The following AKAP6 variants were observed in gnomAD, a reference collection of about 807,000 sequenced individuals.
AKAP6 encodes the protein A-kinase anchoring protein 6.
A neutral mutation model predicts 188.5 loss-of-function variants in AKAP6; 58 were observed. The observed-to-expected ratio is 0.31, with a 90% CI of 0.25 to 0.38. The LOEUF is 0.38. Among genes scored for constraint, AKAP6 ranks in the 10% least tolerant of loss-of-function variants. The probability of loss-of-function intolerance (pLI) is 1.00; values close to 1 mark genes in which losing one functional copy is unlikely to be tolerated. For synonymous variants in AKAP6, 989 were observed against 998.6 expected, an observed-to-expected ratio of 0.99 and a Z score of 0.18; for missense variants, 2,710 against 2,740.0, an observed-to-expected ratio of 0.99 and a Z score of 0.24.
intron 1 of AKAP6, among the ~76,000 whole-genome samples, chr14:32,420,543 T>G (rs1458394729): frequency 3.3e-5 from 5 of 152,206 alleles, no homozygotes; most frequent in Non-Finnish European, 7.3e-5. Context: ...CAACTTTTGG[T>G]TTCTCTCTGG....
intron 1 of AKAP6, among the ~76,000 whole-genome samples, chr14:32,370,607 G>C (rs1887974856): frequency 6.6e-6 from 1 of 152,194 alleles, no homozygotes; most frequent in African/African-American, 2.4e-5. Context: ...ACCAGTGGCT[G>C]TATTAGTGCT....
At chr14:32,411,808 T>TA (rs397852309) in intron 1 of AKAP6, among the ~76,000 whole-genome samples, 1 of 151,292 alleles carries the variant, frequency 6.6e-6, no homozygotes, top group Non-Finnish European at 1.5e-5. Flanking sequence ...TTTTTTTTTT[T>TA]AATTCTTTAG....
At position 32,775,030 on chromosome 14, in the gene AKAP6, G is replaced by A. The variant is rs13379473; in HGVS notation, c.3588+1137G>A. The stretch of plus-strand genomic sequence containing the variant: ...ATTGAGTCTAGGGGGTGATTTTATC[G>A]TCAATAGTTCTGTTTAATTGTTTTA... On this transcript the variant is annotated intron_variant, in intron 12 of 13. Transcript: ENST00000280979. Among the ~76,000 whole-genome samples the A allele has an allele frequency of 1.5e-3, 222 of 152,216 alleles. 1 individual carries two copies. The highest frequency in any genetic ancestry group is 4.6e-3 in the African/African-American group (192 of 41,542).
intron 9 of AKAP6, among the ~76,000 whole-genome samples, chr14:32,726,727 C>A (rs981145277): frequency 1.3e-5 from 2 of 152,240 alleles, no homozygotes; most frequent in African/African-American, 4.8e-5. Flanking sequence ...GACCTTGACA[C>A]CCACTTCATT....
intron 5 of AKAP6, among the ~76,000 whole-genome samples, chr14:32,584,027 G>C (rs929462392): frequency 6.6e-6 from 1 of 152,182 alleles, no homozygotes; most frequent in African/African-American, 2.4e-5. Flanking sequence ...AGATGAACCC[G>C]GTGCCTCAGA....
At chr14:32,534,574 A>G (rs1882579135) in intron 2 of AKAP6, among the ~76,000 whole-genome samples, 1 of 152,204 alleles carries the variant, frequency 6.6e-6, no homozygotes. Context: ...AAACGAAACA[A>G]AATTGTATTT....
chr14:32,770,804 T>G (rs1303277079), intron 11 of AKAP6, among the ~76,000 whole-genome samples: 1 of 152,234 alleles, frequency 6.6e-6, no homozygotes, highest in Non-Finnish European at 1.5e-5. Context: ...GACTCTCAAC[T>G]CCTTGAGGGT....
intron 1 of AKAP6, among the ~76,000 whole-genome samples, chr14:32,416,603 G>A (rs1256704214): frequency 6.6e-6 from 1 of 151,998 alleles, no homozygotes; most frequent in Non-Finnish European, 1.5e-5. Context: ...CGCCCAGGCT[G>A]GAGTGCAGTG....
chr14:32,648,158 G>T (rs555331693), intron 7 of AKAP6, among the ~76,000 whole-genome samples: 2 of 152,170 alleles, frequency 1.3e-5, no homozygotes, highest in South Asian at 4.1e-4. Context: ...TATGCATTAA[G>T]TCCCACACTT....
At chr14:32,745,814 TAGAG>T (rs2031884588) in intron 11 of AKAP6, among the ~76,000 whole-genome samples, 3 of 152,180 alleles carry the variant, frequency 2.0e-5, no homozygotes, top group African/African-American at 7.2e-5. Flanking sequence ...AGTCAGGGAC[TAGAG>T]TTGAAAGCCT....
At chr14:32,729,465 AACT>A (rs1472032004) in intron 9 of AKAP6, among the ~76,000 whole-genome samples, 3 of 152,108 alleles carry the variant, frequency 2.0e-5, no homozygotes, top group Non-Finnish European at 4.4e-5. Context: ...AATTTTCTAC[AACT>A]TCTTTAGTTC....
intron 5 of AKAP6, among the ~76,000 whole-genome samples, chr14:32,596,731 G>A (rs1449582884): frequency 1.3e-5 from 2 of 152,084 alleles, no homozygotes; most frequent in Non-Finnish European, 2.9e-5. Flanking sequence ...TACACCATAG[G>A]GCATTGCTGA....
chr14:32,475,905 G>A (rs1327640930), intron 2 of AKAP6, among the ~76,000 whole-genome samples: 3 of 151,740 alleles, frequency 2.0e-5, no homozygotes, highest in Middle Eastern at 3.4e-3. Flanking sequence ...GGATGGTCTC[G>A]ATCTCCTGAC....
intron 7 of AKAP6, among the ~76,000 whole-genome samples, chr14:32,618,262 G>A (rs77580277): frequency 0.01 from 1,565 of 152,234 alleles, 22 homozygotes; most frequent in African/African-American, 0.033. Context: ...TTGTATAGTG[G>A]TGAAACCTGA....
chr14:32,368,873 GA>G (rs1309756044), intron 1 of AKAP6, among the ~76,000 whole-genome samples: 1 of 144,312 alleles, frequency 6.9e-6, no homozygotes, highest in African/African-American at 2.7e-5. Flanking sequence ...TGGATATTAA[GA>G]AGAAGAAAAA....
At chr14:32,456,085 T>C (rs1050575363) in intron 2 of AKAP6, among the ~76,000 whole-genome samples, 3 of 152,194 alleles carry the variant, frequency 2.0e-5, no homozygotes, top group African/African-American at 7.2e-5. Flanking sequence ...CAGATATATA[T>C]GCATTTCAAA....
At position 32,824,122 on chromosome 14, in the gene AKAP6, G is replaced by A. The variant is rs1236823252; in HGVS notation, c.6309G>A (p.Gln2103=). ...KVLEHSHRPI[Q]LRKGDFYSYL... is the part of the protein sequence containing the mutation. Reference sequence around the variant, plus strand: ...TGGAGCATTCTCACCGGCCCATCCAGCTGAGAAAAGGGGACTTTTATTCGT... The same window carrying A: ...TGGAGCATTCTCACCGGCCCATCCAACTGAGAAAAGGGGACTTTTATTCGT... The change falls in exon 13 of 14, where the codon CAG becomes CAA. Residue 2103 remains glutamine, a synonymous_variant. Coordinates refer to ENST00000280979, the MANE Select transcript of AKAP6 (RefSeq NM_004274.5). 2 of 1,613,938 alleles carry A rather than the reference G, an allele frequency of 1.2e-6. No individual in the cohort carries two copies. Among genetic ancestry groups the A allele is most frequent in the Middle Eastern group, 1.6e-4 (1 of 6,062 alleles).
chr14:32,475,341 C>G (rs1281877564), intron 2 of AKAP6, among the ~76,000 whole-genome samples: 1 of 152,138 alleles, frequency 6.6e-6, no homozygotes, highest in East Asian at 1.9e-4. Context: ...GCCTTCTGCT[C>G]TCTTATTTAC....
chr14:32,704,711 G>T (rs901105087), intron 9 of AKAP6, among the ~76,000 whole-genome samples: 1 of 152,166 alleles, frequency 6.6e-6, no homozygotes, highest in South Asian at 2.1e-4. Flanking sequence ...AAAATTTAAA[G>T]ATGAAAACCA....
Sources: allele counts gnomAD v4.1 joint callset (sites outside exome capture counted in the v4.1 genomes callset), GRCh38; gene constraint gnomAD v4.1.1; transcripts MANE v1.5; gene names NCBI Gene and HGNC (gene_info 2026-07-23, HGNC 2026-07-21).